The following FAM171A1 variants were observed in gnomAD, a reference collection of about 807,000 sequenced individuals.
FAM171A1 encodes family with sequence similarity 171 member A1.
Under a neutral mutation model 74.9 loss-of-function variants are expected in FAM171A1, and 23 were observed. That is an observed-to-expected ratio of 0.31 (90% CI 0.22 to 0.44). The LOEUF (loss-of-function observed/expected upper bound fraction) is 0.44, where lower values mean the gene tolerates loss of function less well. Ranked by LOEUF, FAM171A1 falls within the 20% of genes least tolerant of loss-of-function variation. FAM171A1 has a pLI of 1.00. For missense variants in FAM171A1, 1,162 were observed against 1,159.2 expected, an observed-to-expected ratio of 1.00 and a Z score of -0.03; for synonymous variants, 527 against 505.7, an observed-to-expected ratio of 1.04 and a Z score of -0.57.
intron 5 of FAM171A1, among the ~76,000 whole-genome samples, chr10:15,227,008 T>C (rs1834117368): frequency 1.3e-5 from 2 of 152,110 alleles, no homozygotes; most frequent in Admixed American, 6.5e-5. Context: ...GTGATACATA[T>C]ATTTCTTTTT....
intron 3 of FAM171A1, among the ~76,000 whole-genome samples, chr10:15,272,448 C>G (rs568738508): frequency 1.3e-5 from 2 of 152,296 alleles, no homozygotes; most frequent in Non-Finnish European, 2.9e-5. Context: ...TATTGGGAGA[C>G]TTTAACACCC....
chr10:15,297,185 A>G (rs187428560), intron 1 of FAM171A1, among the ~76,000 whole-genome samples: 108 of 151,978 alleles, frequency 7.1e-4, no homozygotes, highest in Middle Eastern at 3.4e-3. Flanking sequence ...CAGCCTCCCA[A>G]GTAGCTGGGA....
intron 1 of FAM171A1, among the ~76,000 whole-genome samples, chr10:15,346,857 G>T (rs535828184): frequency 1.3e-5 from 2 of 152,254 alleles, no homozygotes; most frequent in African/African-American, 4.8e-5. Flanking sequence ...TCTCCAGGGA[G>T]GTAAATTACT....
At chr10:15,357,848 G>A (rs1044769727) in intron 1 of FAM171A1, among the ~76,000 whole-genome samples, 2 of 152,230 alleles carry the variant, frequency 1.3e-5, no homozygotes, top group South Asian at 2.1e-4. Context: ...AATTTTTTCC[G>A]TTTCTTTGTA....
intron 5 of FAM171A1, 51 bp downstream of exon 5, chr10:15,248,588 C>T (rs528192891): frequency 2.6e-6 from 4 of 1,526,272 alleles, no homozygotes; most frequent in African/African-American, 2.8e-5. Flanking sequence ...GAAAACCAAA[C>T]AGTAACGAAG....
intron 1 of FAM171A1, among the ~76,000 whole-genome samples, chr10:15,319,269 A>C (rs1344935300): frequency 2.0e-5 from 3 of 152,172 alleles, no homozygotes; most frequent in African/African-American, 7.2e-5. Flanking sequence ...CCAGAGAAGA[A>C]AAATGATACG....
At chr10:15,292,076 G>A (rs923264184) in intron 1 of FAM171A1, among the ~76,000 whole-genome samples, 1 of 152,142 alleles carries the variant, frequency 6.6e-6, no homozygotes, top group African/African-American at 2.4e-5. Flanking sequence ...GGCAGATTAG[G>A]TATCTGGTGA....
Position 15,371,033 on chromosome 10 carries a change from A to G in FAM171A1, c.20T>C (p.Leu7Pro). The change falls in exon 1 of 8, where the codon CTG (leucine) becomes CCG (proline). Residue 7 changes from leucine (L) to proline (P), a missense_variant. Leu to Pro is a moderately conservative substitution (Grantham distance 98). Coordinates refer to ENST00000378116, the MANE Select transcript of FAM171A1 (RefSeq NM_001010924.2). MSRSATLLLCLLGCHVW... is the reference protein window; with the variant it reads MSRSATPLLCLLGCHVW... The stretch of plus-strand genomic sequence containing the variant: ...GTGGCAGCCCAGCAGGCACAGCAGC[A>G]GCGTCGCGGACCTGCTCATCTCCGC... 8.5e-7 allele frequency: 1 copy of G among 1,172,528 alleles called. No individual in the cohort carries two copies. The allele number at this position is 1,172,528 out of a possible 1,614,324, so 72.6% of individuals were successfully genotyped here.
chr10:15,339,511 TTTTGTTTATGA>T (rs1835739029), intron 1 of FAM171A1, among the ~76,000 whole-genome samples: 1 of 152,186 alleles, frequency 6.6e-6, no homozygotes, highest in Non-Finnish European at 1.5e-5. Context: ...TTTTCTGATG[TTTTGTTTATGA>T]TTTGACATCA....
In FAM171A1 at chr10:15,267,601, CAAAAAAAAAAAA is replaced by C. The variant is rs71390026; in HGVS notation, c.418+8242_418+8253del. On this transcript the variant is annotated intron_variant, in intron 3 of 7. Coordinates refer to ENST00000378116, the MANE Select transcript of FAM171A1 (RefSeq NM_001010924.2). ...CTGGCAACAGAGCGAGACACCATCG[CAAAAAAAAAAAA>C]AAAAAAAAAAAAAAAAAAGAAGGGG... Among the ~76,000 whole-genome samples the C allele has an allele frequency of 2.2e-4, 12 of 53,346 alleles. No individual in the cohort carries two copies. The East Asian group carries it at 4.2e-3, about 19-fold the overall frequency. 35.0% of individuals were successfully genotyped at this position (53,346 alleles called of 152,430 possible).
At chr10:15,360,165 T>C (rs188245423) in intron 1 of FAM171A1, among the ~76,000 whole-genome samples, 23 of 152,284 alleles carry the variant, frequency 1.5e-4, no homozygotes, top group Non-Finnish European at 2.2e-4. Context: ...ATGCCTGGGC[T>C]CAAGCAATCT....
chr10:15,338,610 T>C (rs1483869646), intron 1 of FAM171A1, among the ~76,000 whole-genome samples: 1 of 152,202 alleles, frequency 6.6e-6, no homozygotes, highest in Non-Finnish European at 1.5e-5. Context: ...AGACCCAAAA[T>C]TCAATCCTAT....
chr10:15,260,187 C>G, intron 3 of FAM171A1, among the ~76,000 whole-genome samples: 1 of 152,116 alleles, frequency 6.6e-6, no homozygotes, highest in East Asian at 1.9e-4. Context: ...CATCCTACAG[C>G]TCACCCAAAA....
At chr10:15,360,976 C>G (rs978690575) in intron 1 of FAM171A1, among the ~76,000 whole-genome samples, 1 of 152,100 alleles carries the variant, frequency 6.6e-6, no homozygotes, top group African/African-American at 2.4e-5. Context: ...TTTGTAACTG[C>G]CATAGTTACT....
chr10:15,237,078 A>G (rs776867567), intron 5 of FAM171A1, among the ~76,000 whole-genome samples: 2 of 152,220 alleles, frequency 1.3e-5, no homozygotes, highest in Non-Finnish European at 2.9e-5. Flanking sequence ...CAGCAAACTA[A>G]GAGGGCCTTG....
chr10:15,267,851 G>C (rs1411581605), intron 3 of FAM171A1, among the ~76,000 whole-genome samples: 2 of 139,214 alleles, frequency 1.4e-5, no homozygotes, highest in East Asian at 4.4e-4. Context: ...TGTCACTGCA[G>C]ACCCTGCAGT....
chr10:15,231,968 C>A (rs1834212596), intron 5 of FAM171A1, among the ~76,000 whole-genome samples: 1 of 152,132 alleles, frequency 6.6e-6, no homozygotes, highest in Admixed American at 6.5e-5. Flanking sequence ...TGGCAGGTGC[C>A]TGTAGTCCCA....
chr10:15,292,965 G>A (rs76236802), intron 1 of FAM171A1, among the ~76,000 whole-genome samples: 20,669 of 151,948 alleles, frequency 0.14, 1,596 homozygotes, highest in Non-Finnish European at 0.18. Flanking sequence ...TGTCTAAAAC[G>A]TCGATCCCAG....
At chr10:15,317,972 T>C (rs1375861924) in intron 1 of FAM171A1, among the ~76,000 whole-genome samples, 1 of 152,132 alleles carries the variant, frequency 6.6e-6, no homozygotes, top group African/African-American at 2.4e-5. Flanking sequence ...TAAAACATTC[T>C]TTTGCAGAGA....
Sources: gnomAD v4.1 joint callset for allele counts (sites outside exome capture counted in the v4.1 genomes callset) on GRCh38, gnomAD v4.1.1 for gene constraint, MANE v1.5 for transcripts, NCBI Gene and HGNC (gene_info 2026-07-23, HGNC 2026-07-21) for gene names.